The following FRMPD4 variants were observed in gnomAD, a reference collection of about 807,000 sequenced individuals.
FRMPD4 encodes FERM and PDZ domain-containing protein 4.
Under a neutral mutation model 94.1 loss-of-function variants are expected in FRMPD4, and 22 were observed. That is an observed-to-expected ratio of 0.23 (90% CI 0.17 to 0.33). FRMPD4 has a LOEUF of 0.33. Among genes scored for constraint, FRMPD4 ranks in the 10% least tolerant of loss-of-function variants. The probability of loss-of-function intolerance (pLI) is 1.00; values close to 1 mark genes in which losing one functional copy is unlikely to be tolerated. For synonymous variants in FRMPD4, 631 were observed against 548.6 expected (o/e 1.15, Z -2.10); for missense variants, 1,111 against 1,339.9 (o/e 0.83, Z 2.67).
At chrX:12,653,596 C>G (rs756355002) in intron 4 of FRMPD4, among the ~76,000 whole-genome samples, 1 of 110,994 alleles carries the variant, frequency 9.0e-6, no homozygotes, top group East Asian at 2.8e-4. Context: ...ATTTGAAAAC[C>G]GCTAATCAAT....
rs1487795727 is a variant in FRMPD4, at chrX:12,707,559, C to G, written c.1378C>G (p.Leu460Val). 1 of 1,208,979 alleles carries G rather than the reference C, an allele frequency of 8.3e-7. No individual in the cohort carries two copies. Among genetic ancestry groups the G allele is most frequent in the Non-Finnish European group, 1.1e-6 (1 of 893,853 alleles). Reference sequence around the variant, plus strand: ...CAACACCAAAACCAATCTGGTGGCTCTTTTAGCCGACTTTAGCCACGTCAA... The same window carrying G: ...CAACACCAAAACCAATCTGGTGGCTGTTTTAGCCGACTTTAGCCACGTCAA... ...VINTKTNLVA[L>V]LADFSHVNRI... Residue 460 changes from leucine to valine, a missense_variant, in exon 13 of 17, where the codon CTT becomes GTT. Around this residue, in one of 8 missense-constraint regions of FRMPD4, gnomAD observed 111 missense variants for 160.7 expected, o/e 0.69. Coordinates refer to ENST00000675598, the MANE Select transcript of FRMPD4 (RefSeq NM_001368397.1).
rs1312705900 is a variant in FRMPD4, at chrX:12,416,131, CT to C, written c.42-82547del. 8.1e-5 allele frequency among the ~76,000 whole-genome samples: 9 copies of C among 110,449 alleles called. No homozygotes were observed. The Admixed American group carries it at 8.7e-4, about 11-fold the overall frequency. On this transcript the variant is annotated intron_variant, in intron 1 of 16. Transcript: ENST00000675598. ...CCTTCCCTCCCTCCCTCTTTCCTTC[CT>C]TCTCTTTCTCTATTTTATGTTTCTT... is the stretch of plus-strand genomic sequence containing the variant.
Position 12,071,640 on chromosome X carries a change from T to C in FRMPD4, c.95+193622T>C, listed in dbSNP as rs758452771. Among the ~76,000 whole-genome samples, 3 of 111,637 alleles carry C rather than the reference T, an allele frequency of 2.7e-5. No individual in the cohort carries two copies. In the South Asian group the frequency reaches 1.1e-3, roughly 42 times the overall value. ...TTGCATGATTCCAAGACTCTTACACTAATGCTGCATAATCTCTGCTCCCGC... is the reference window on the plus strand; with the variant it reads ...TTGCATGATTCCAAGACTCTTACACCAATGCTGCATAATCTCTGCTCCCGC... On this transcript the variant is annotated intron_variant, in intron 3 of 18. Coordinates refer to the FRMPD4 transcript ENST00000640291.
intron 1 of FRMPD4, among the ~76,000 whole-genome samples, chrX:12,429,413 G>A (rs1027149037): frequency 1.1e-4 from 12 of 111,428 alleles, no homozygotes; most frequent in African/African-American, 3.9e-4. Flanking sequence ...TTCTCCCACT[G>A]TAACTGTGCC....
At chrX:12,191,011 A>G (rs1378685397) in intron 1 of FRMPD4, among the ~76,000 whole-genome samples, 1 of 78,807 alleles carries the variant, frequency 1.3e-5, no homozygotes, top group Non-Finnish European at 2.5e-5. Flanking sequence ...CATATTTGAT[A>G]AAGAACTGTT....
At chrX:12,440,000 T>A (rs1028310083) in intron 1 of FRMPD4, among the ~76,000 whole-genome samples, 2 of 112,022 alleles carry the variant, frequency 1.8e-5, no homozygotes, top group African/African-American at 3.2e-5. Context: ...AGCTCCCGTA[T>A]GACGTTTAAA....
At chrX:12,369,373 G>A (rs1326602209) in intron 1 of FRMPD4, among the ~76,000 whole-genome samples, 3 of 110,228 alleles carry the variant, frequency 2.7e-5, no homozygotes, top group Admixed American at 9.7e-5. Flanking sequence ...TTTAACTAAC[G>A]CGGGCCTCCT....
intron 2 of FRMPD4, among the ~76,000 whole-genome samples, chrX:12,560,870 C>T (rs748043951): frequency 4.4e-4 from 41 of 93,120 alleles, no homozygotes; most frequent in Admixed American, 1.8e-3. Context: ...CCCGGGTTCA[C>T]GCCATTCTCC....
At chrX:12,137,694 A>G (rs899114147), upstream of FRMPD4, among the ~76,000 whole-genome samples, 14 of 112,500 alleles carry the variant, frequency 1.2e-4, no homozygotes, top group Non-Finnish European at 1.9e-5. Context: ...CTGATTATCC[A>G]AGGTAATTAT....
At chrX:12,550,522 C>T (rs2058523507) in intron 2 of FRMPD4, among the ~76,000 whole-genome samples, 1 of 111,353 alleles carries the variant, frequency 9.0e-6, no homozygotes, top group Admixed American at 9.6e-5. Flanking sequence ...TATACTGCTA[C>T]TGAATATTTC....
chrX:12,107,684 G>C (rs924376494), intron 3 of FRMPD4, among the ~76,000 whole-genome samples: 2 of 111,802 alleles, frequency 1.8e-5, no homozygotes, highest in Non-Finnish European at 1.9e-5. Flanking sequence ...AAAAAGAGTA[G>C]ATGAATGGCT....
At chrX:11,864,366 G>T (rs980621704) in intron 1 of FRMPD4, among the ~76,000 whole-genome samples, 3 of 109,386 alleles carry the variant, frequency 2.7e-5, no homozygotes, top group African/African-American at 1.0e-4. Context: ...CATGTGGGAG[G>T]GATGAGGTCA....
intron 2 of FRMPD4, among the ~76,000 whole-genome samples, chrX:11,869,322 A>C (rs766962090): frequency 6.2e-5 from 7 of 112,140 alleles, no homozygotes; most frequent in Non-Finnish European, 1.1e-4. Flanking sequence ...GTACCTTCCC[A>C]GTGCTTTCCC....
intron 3 of FRMPD4, among the ~76,000 whole-genome samples, chrX:11,929,565 G>A (rs1234660765): frequency 2.7e-5 from 3 of 112,269 alleles, no homozygotes; most frequent in Admixed American, 9.4e-5. Flanking sequence ...GATGGAGGTC[G>A]AACCTGTGTG....
At chrX:12,162,157 A>AGATATTTTCCTTCTGGAATAATTGTT (rs1408344081) in intron 1 of FRMPD4, among the ~76,000 whole-genome samples, 1 of 112,610 alleles carries the variant, frequency 8.9e-6, no homozygotes, top group Non-Finnish European at 1.9e-5. Context: ...AGGTAAAACT[A>AGATATTTTCCTTCTGGAATAATTGTT]GATATTTTCC....
chrX:11,979,869 T>C lies in FRMPD4; in HGVS notation c.95+101851T>C, dbSNP rs536867308. ...GATAAATAGAAGTTCTTTATTTTAC[T>C]ATAAATGAATTCATCCAAATATTCC... On this transcript the variant is annotated intron_variant, in intron 3 of 18. Transcript: ENST00000640291. Among the ~76,000 whole-genome samples the C allele has an allele frequency of 9.8e-5, 11 of 112,162 alleles. No individual in the cohort carries two copies. In the South Asian group the frequency reaches 4.1e-3, roughly 42 times the overall value.
At chrX:12,003,277 G>A (rs1226135498) in intron 3 of FRMPD4, among the ~76,000 whole-genome samples, 1 of 111,786 alleles carries the variant, frequency 8.9e-6, no homozygotes, top group Non-Finnish European at 1.9e-5. Flanking sequence ...CTGTAAAATA[G>A]GGATATAATA....
chrX:11,945,049 A>G (rs2054181559), intron 3 of FRMPD4, among the ~76,000 whole-genome samples: 1 of 111,969 alleles, frequency 8.9e-6, no homozygotes, highest in African/African-American at 3.3e-5. Flanking sequence ...ACCCTAGACT[A>G]TTGATGTCAG....
At chrX:12,538,009 G>C (rs1420545632) in intron 2 of FRMPD4, among the ~76,000 whole-genome samples, 2 of 110,843 alleles carry the variant, frequency 1.8e-5, no homozygotes, top group African/African-American at 6.6e-5. Flanking sequence ...GTTGGAGAGC[G>C]AGTGCCAAAG....
Sources: allele counts gnomAD v4.1 joint callset (sites outside exome capture counted in the v4.1 genomes callset), GRCh38; gene constraint gnomAD v4.1.1; regional missense constraint gnomAD v4.1.1; transcripts MANE v1.5; gene names NCBI Gene and HGNC (gene_info 2026-07-23, HGNC 2026-07-21).